The following TNFSF4 variants were observed in gnomAD, a reference collection of about 807,000 sequenced individuals.
TNFSF4 encodes the protein tumor necrosis factor ligand superfamily member 4.
In TNFSF4, 4 loss-of-function variants were observed where a neutral mutation model predicts 7.3. That is an observed-to-expected ratio of 0.55 (90% CI 0.27 to 1.25). TNFSF4 has a LOEUF of 1.25. TNFSF4 is among the 50% of genes most tolerant of loss of function. The probability of loss-of-function intolerance (pLI) is 0.12; values close to 1 mark genes in which losing one functional copy is unlikely to be tolerated. For missense variants in TNFSF4, 181 were observed against 208.8 expected, an observed-to-expected ratio of 0.87 and a Z score of 0.82; for synonymous variants, 76 against 83.7, an observed-to-expected ratio of 0.91 and a Z score of 0.50.
the TNFSF4 span, among the ~76,000 whole-genome samples, chr1:173,264,010 G>GA: frequency 3.9e-5 from 6 of 152,004 alleles, no homozygotes; most frequent in African/African-American, 1.5e-4. Context: ...GAGAGGAGCA[G>GA]AAAAAATAAC....
chr1:173,410,940 T>G, the TNFSF4 span, among the ~76,000 whole-genome samples: 4 of 152,156 alleles, frequency 2.6e-5, no homozygotes, highest in African/African-American at 9.7e-5. Flanking sequence ...TGGGGAGACA[T>G]GTACCCAGTC....
At position 173,186,877 on chromosome 1, in the gene TNFSF4, A is replaced by C. The variant is rs549160452; in HGVS notation, c.203-12T>G. ...CTCCTTCTTATATTCTAGGGAGGAT[A>C]GGGGAAAATTTGTTTAATTAATTCC... is the stretch of plus-strand genomic sequence containing the variant. On this transcript the variant is annotated splice_polypyrimidine_tract_variant and intron_variant, in intron 2 of 2. Coordinates refer to ENST00000281834, the MANE Select transcript of TNFSF4 (RefSeq NM_003326.5). The C allele has an allele frequency of 6.5e-7, 1 of 1,544,740 alleles. No individual in the cohort carries two copies. The highest frequency in any genetic ancestry group is 2.0e-5 in the Admixed American group (1 of 50,326).
At chr1:173,362,969 C>G in the TNFSF4 span, 1 of 300,322 alleles carries the variant, frequency 3.3e-6, no homozygotes, top group Non-Finnish European at 6.4e-6. Context: ...GTGGTTTTGA[C>G]TTTTTTTAAA....
chr1:173,246,280 AT>A, the TNFSF4 span, among the ~76,000 whole-genome samples: 1 of 151,834 alleles, frequency 6.6e-6, no homozygotes, highest in Admixed American at 6.6e-5. Context: ...TGCATTAGGT[AT>A]TTTTCCTAAT....
rs1472333965 is a variant in TNFSF4, at chr1:173,185,016, C to T, written c.*1500G>A. On this transcript the variant is annotated 3_prime_UTR_variant, in exon 3 of 3. Coordinates refer to ENST00000281834, the MANE Select transcript of TNFSF4 (RefSeq NM_003326.5). ...GGTGTACTTAAGAGGAAATAGAAAA[C>T]AGGAAAAAAAAATCCAACTGAGACC... is the stretch of plus-strand genomic sequence containing the variant. 1 of 151,820 alleles carries T rather than the reference C, an allele frequency of 6.6e-6. No individual in the cohort carries two copies. Among genetic ancestry groups the T allele is most frequent in the African/African-American group, 2.4e-5 (1 of 41,322 alleles). The allele number at this position is 151,820 out of a possible 1,614,324, so 9.4% of individuals were successfully genotyped here.
the TNFSF4 span, among the ~76,000 whole-genome samples, chr1:173,348,252 G>C: frequency 6.6e-6 from 1 of 152,114 alleles, no homozygotes; most frequent in Non-Finnish European, 1.5e-5. Context: ...TACTGTTCTC[G>C]TGGTAGTGAA....
chr1:173,384,365 A>G, the TNFSF4 span, among the ~76,000 whole-genome samples: 442 of 152,380 alleles, frequency 2.9e-3, 3 homozygotes, highest in African/African-American at 9.0e-3. Flanking sequence ...CCCACTGGGA[A>G]TAAACATTTG....
At chr1:173,223,654 A>G in the TNFSF4 span, among the ~76,000 whole-genome samples, 1 of 152,204 alleles carries the variant, frequency 6.6e-6, no homozygotes, top group Non-Finnish European at 1.5e-5. Context: ...TTAATGTCAT[A>G]AAGAGTTGGA....
chr1:173,232,401 A>T, the TNFSF4 span, among the ~76,000 whole-genome samples: 2 of 152,222 alleles, frequency 1.3e-5, no homozygotes, highest in Non-Finnish European at 2.9e-5. Context: ...ATATACAATC[A>T]TGTCATCTGC....
the TNFSF4 span, among the ~76,000 whole-genome samples, chr1:173,313,624 T>C: frequency 4.5e-4 from 68 of 152,226 alleles, no homozygotes; most frequent in African/African-American, 1.6e-3. Flanking sequence ...GTTTTTCTTC[T>C]TTTTTGAGAG....
At chr1:173,248,695 A>T in the TNFSF4 span, among the ~76,000 whole-genome samples, 1 of 152,192 alleles carries the variant, frequency 6.6e-6, no homozygotes, top group Non-Finnish European at 1.5e-5. Context: ...GGAGCCAGAC[A>T]CATGAAATAT....
chr1:173,383,876 G>A, the TNFSF4 span, among the ~76,000 whole-genome samples: 1 of 152,100 alleles, frequency 6.6e-6, no homozygotes, highest in Non-Finnish European at 1.5e-5. Context: ...GGATCAAAAT[G>A]CCTACCACTC....
At chr1:173,365,752 C>T in the TNFSF4 span, among the ~76,000 whole-genome samples, 1 of 151,988 alleles carries the variant, frequency 6.6e-6, no homozygotes, top group Non-Finnish European at 1.5e-5. Flanking sequence ...TGAAATTTAC[C>T]TCTTTCTATT....
the TNFSF4 span, among the ~76,000 whole-genome samples, chr1:173,405,920 C>T: frequency 3.3e-5 from 5 of 152,290 alleles, no homozygotes; most frequent in South Asian, 4.1e-4. Context: ...ACTCATACTG[C>T]GAAATATGGA....
At chr1:173,394,610 T>C in the TNFSF4 span, among the ~76,000 whole-genome samples, 3 of 152,186 alleles carry the variant, frequency 2.0e-5, no homozygotes, top group Non-Finnish European at 4.4e-5. Context: ...AGGGCATGAA[T>C]AAAACAAAAG....
At chr1:173,392,594 G>A in the TNFSF4 span, among the ~76,000 whole-genome samples, 3 of 152,170 alleles carry the variant, frequency 2.0e-5, no homozygotes, top group African/African-American at 7.2e-5. Context: ...GAGAAATGAT[G>A]CCAAAACATT....
At chr1:173,288,044 T>C in the TNFSF4 span, among the ~76,000 whole-genome samples, 10 of 152,236 alleles carry the variant, frequency 6.6e-5, no homozygotes, top group Non-Finnish European at 1.2e-4. Flanking sequence ...GTGTAATGTA[T>C]ACTCAATATC....
At chr1:173,318,592 T>C in the TNFSF4 span, among the ~76,000 whole-genome samples, 1 of 152,198 alleles carries the variant, frequency 6.6e-6, no homozygotes, top group Non-Finnish European at 1.5e-5. Context: ...ATAATATGCA[T>C]ACTAAAATAT....
At chr1:173,366,451 G>A in the TNFSF4 span, among the ~76,000 whole-genome samples, 311 of 152,146 alleles carry the variant, frequency 2.0e-3, no homozygotes, top group African/African-American at 6.1e-3. Context: ...TGAAAGGATG[G>A]TTACCAGAGG....
Sources: allele counts gnomAD v4.1 joint callset (sites outside exome capture counted in the v4.1 genomes callset), GRCh38; gene constraint gnomAD v4.1.1; transcripts MANE v1.5; gene names NCBI Gene and HGNC (gene_info 2026-07-23, HGNC 2026-07-21).